The following CCDC9B variants were observed in gnomAD, a reference collection of about 807,000 sequenced individuals.
CCDC9B encodes coiled-coil domain containing 9B.
CCDC9B carries 40 observed loss-of-function variants against 47.2 expected under a neutral mutation model. The observed-to-expected ratio is 0.85, with a 90% CI of 0.66 to 1.10. The LOEUF is 1.10. Among genes scored for constraint, CCDC9B ranks in the 50% least tolerant of loss-of-function variants. The pLI is 0.00. For synonymous variants in CCDC9B, 238 were observed against 250.7 expected, an observed-to-expected ratio of 0.95 and a Z score of 0.48; for missense variants, 662 against 651.0, an observed-to-expected ratio of 1.02 and a Z score of -0.18.
rs780799483 is a variant in CCDC9B at position 40,336,628 on chromosome 15, G to A, written c.833C>T (p.Pro278Leu). ...GGQASRPSVA[P>L]ATGSKARGKE... ...GCCCCGGGCTTTGCTGCCTGTGGCT[G>A]GTGCCACCGAGGGTCTGCTGGCTTG... is the stretch of plus-strand genomic sequence containing the variant. The change falls in exon 9 of 11, where the codon CCA (proline) becomes CTA (leucine). Residue 278 changes from proline (P) to leucine (L), a missense_variant. Physicochemically the swap from Pro to Leu is moderately conservative, Grantham distance 98. Transcript: ENST00000397536. 9 of 1,613,038 alleles carry A rather than the reference G, an allele frequency of 5.6e-6. No individual in the cohort carries two copies. The highest frequency in any genetic ancestry group is 1.3e-5 in the African/African-American group (1 of 74,922).
Position 40,337,813 on chromosome 15 carries a change from C to T in CCDC9B, c.594G>A (p.Arg198=). ...CGAGGCGGGCTAGGTCGATCTGCTC[C>T]CGCTCCTGCTTCCACTGGGCATAGT... ...GWDYAQWKQE[R]EQIDLARLAR... The change falls in exon 6 of 11, where the codon CGG becomes CGA. Residue 198 remains arginine, a synonymous_variant. Transcript: ENST00000397536. 6.2e-7 allele frequency: 1 copy of T among 1,610,680 alleles called. No homozygotes were observed. Among genetic ancestry groups the T allele is most frequent in the Non-Finnish European group, 8.5e-7 (1 of 1,179,840 alleles).
At chr15:40,336,920 G>GGGTTTTGCCTCCC (rs1888973577) in intron 7 of CCDC9B, 107 bp from the exon 8 acceptor site, 1 of 1,201,554 alleles carries the variant, frequency 8.3e-7, no homozygotes, top group Non-Finnish European at 1.2e-6. Context: ...GGCCAGTCGT[G>GGGTTTTGCCTCCC]GGTTTTGCCT....
chr15:40,337,503 C>A, intron 6 of CCDC9B, 57 bp from the exon 7 acceptor site: 1 of 1,431,248 alleles, frequency 7.0e-7, no homozygotes. Flanking sequence ...CGGGCCCCAC[C>A]CTGACACCCC....
chr15:40,337,332 G>T lies in CCDC9B; in HGVS notation c.742+56C>A, dbSNP rs751770714. 3 of 1,446,724 alleles carry T rather than the reference G, an allele frequency of 2.1e-6. No homozygotes were observed. In the South Asian group the frequency reaches 3.4e-5, roughly 16 times the overall value. 89.6% of individuals were successfully genotyped at this position (1,446,724 alleles called of 1,614,324 possible). A position where few individuals can be genotyped will look rare whatever the true frequency, so the allele number is the denominator to read the frequency against. ...AGAGACAGAGAAAAGAGAGGACAAGGGGGTGAAAGATGAACAAAGCCAAGG... is the reference window on the plus strand; with the variant it reads ...AGAGACAGAGAAAAGAGAGGACAAGTGGGTGAAAGATGAACAAAGCCAAGG... On this transcript the variant is annotated intron_variant, in intron 7 of 10. Transcript: ENST00000397536.
rs1566908319 is a variant in CCDC9B, at chr15:40,338,887, C to A, written c.248G>T (p.Ser83Ile). 1.2e-6 allele frequency: 2 copies of A among 1,614,184 alleles called. No individual in the cohort carries two copies. Among genetic ancestry groups the A allele is most frequent in the Non-Finnish European group, 1.7e-6 (2 of 1,180,022 alleles). The change falls in exon 4 of 11, where the codon AGC becomes ATC. Residue 83 changes from serine (S) to isoleucine (I), a missense_variant. By Grantham distance (142) the Ser-to-Ile change is moderately radical (BLOSUM62 -2). Coordinates refer to ENST00000397536, the MANE Select transcript of CCDC9B (RefSeq NM_207380.3). ...SQVPGEKRVV[S>I]RNWARGTCGP... ...ACAGGTACCCCTTGCCCAGTTCCTGCTAACCACCCGCTTTTCCTGCAGAAC... is the reference window on the plus strand; with the variant it reads ...ACAGGTACCCCTTGCCCAGTTCCTGATAACCACCCGCTTTTCCTGCAGAAC...
At position 40,335,128 on chromosome 15, in the gene CCDC9B, C is replaced by G. The variant is rs762359041; in HGVS notation, c.*30G>C. ...CAGAGTGATTCCCTTTTCCTCTCCC[C>G]GGGGACTCCCCAGCTCCCAGGAGCT... On this transcript the variant is annotated 3_prime_UTR_variant, in exon 11 of 11. Transcript: ENST00000397536. 2.7e-6 allele frequency: 4 copies of G among 1,481,272 alleles called. No homozygotes were observed. The highest frequency in any genetic ancestry group is 3.6e-6 in the Non-Finnish European group (4 of 1,116,422). The allele number at this position is 1,481,272 out of a possible 1,614,324, so 91.8% of individuals were successfully genotyped here.
chr15:40,339,731 G>T, intron 2 of CCDC9B, 112 bp from the exon 3 acceptor site: 1 of 1,521,158 alleles, frequency 6.6e-7, no homozygotes, highest in Non-Finnish European at 8.8e-7. Context: ...GGGCAGAGGC[G>T]CCACATCACA....
At chr15:40,340,528 G>A in intron 1 of CCDC9B, 1 of 481,518 alleles carries the variant, frequency 2.1e-6, no homozygotes, top group South Asian at 3.2e-5. Context: ...CGCTCCCAGG[G>A]GCCCAGCCTC....
chr15:40,336,677 G>T lies in CCDC9B; in HGVS notation c.797-13C>A, dbSNP rs1409237226. 1 of 1,611,016 alleles carries T rather than the reference G, an allele frequency of 6.2e-7. No homozygotes were observed. The highest frequency in any genetic ancestry group is 8.5e-7 in the Non-Finnish European group (1 of 1,177,746). ...TGCCCGCCCCGACCTGCAAGAGATG[G>T]TCGGCCAAGGAGAGAAGAGGCCCAT... is the stretch of plus-strand genomic sequence containing the variant. On this transcript the variant is annotated splice_polypyrimidine_tract_variant and intron_variant, in intron 8 of 10. Transcript: ENST00000397536.
rs370442829 is a variant in CCDC9B, at chr15:40,336,773, G to A, written c.783C>T (p.Leu261=). Reference sequence around the variant, plus strand: ...TCCCCAACTCACCTTTTCCATCAGGGAGCAATGGTGGGGGCTGTAGTTTCT... The same window carrying A: ...TCCCCAACTCACCTTTTCCATCAGGAAGCAATGGTGGGGGCTGTAGTTTCT... ...SHQKLQPPPL[L]PDGKGRGGQA... Residue 261 remains leucine (L), a synonymous_variant, in exon 8 of 11, where the codon CTC becomes CTT. Coordinates refer to ENST00000397536, the MANE Select transcript of CCDC9B (RefSeq NM_207380.3). 4 of 1,601,914 alleles carry A rather than the reference G, an allele frequency of 2.5e-6. No individual in the cohort carries two copies. In the African/African-American group the frequency reaches 5.4e-5, roughly 22 times the overall value.
intron 9 of CCDC9B, 169 bp downstream of exon 9, chr15:40,336,405 C>T (rs1350808874): frequency 4.1e-6 from 4 of 985,310 alleles, no homozygotes; most frequent in Middle Eastern, 5.2e-4. Context: ...ACCAGGCTCT[C>T]GCTGCAGCCT....
chr15:40,335,567 T>A lies in CCDC9B; in HGVS notation c.1064A>T (p.Glu355Val), dbSNP rs1373632911. The change falls in exon 11 of 11, where the codon GAG (glutamate) becomes GTG (valine). Residue 355 changes from glutamate (E) to valine (V), a missense_variant. Transcript: ENST00000397536. ...TGAGCTGGCTGTGGAAGCCACTGAC[T>A]CCCCCTTCGGCCCCTCTGGGGATGC... is the stretch of plus-strand genomic sequence containing the variant. ...ALASPEGPKG[E>V]SVASTASSVP... 2 of 1,502,014 alleles carry A rather than the reference T, an allele frequency of 1.3e-6. No homozygotes were observed. Among genetic ancestry groups the A allele is most frequent in the Non-Finnish European group, 1.8e-6 (2 of 1,124,604 alleles). The allele number at this position is 1,502,014 out of a possible 1,614,324, so 93.0% of individuals were successfully genotyped here. A position where few individuals can be genotyped will look rare whatever the true frequency, so the allele number is the denominator to read the frequency against.
intron 9 of CCDC9B, chr15:40,336,279 A>G: frequency 1.0e-6 from 1 of 985,422 alleles, no homozygotes; most frequent in Non-Finnish European, 1.2e-6. Flanking sequence ...CCAAACTTGC[A>G]GCACCTTGAG....
chr15:40,340,775 G>A, intron 1 of CCDC9B, 33 bp downstream of exon 1: 1 of 1,589,884 alleles, frequency 6.3e-7, no homozygotes, highest in African/African-American at 1.4e-5. Flanking sequence ...CCAGTCCCAA[G>A]AAGCCCCCTG....
In CCDC9B at chr15:40,335,533, G is replaced by T; in HGVS notation, c.1098C>A (p.Cys366Ter). 6.5e-7 allele frequency: 1 copy of T among 1,531,734 alleles called. No individual in the cohort carries two copies. The highest frequency in any genetic ancestry group is 8.8e-7 in the Non-Finnish European group (1 of 1,138,536). 94.9% of individuals were successfully genotyped at this position (1,531,734 alleles called of 1,614,324 possible). A position where few individuals can be genotyped will look rare whatever the true frequency, so the allele number is the denominator to read the frequency against. The change falls in exon 11 of 11, where the codon TGC becomes TGA. Residue 366 changes from cysteine to a stop codon, truncating the protein, a stop_gained. Transcript: ENST00000397536. LOFTEE classifies it low-confidence loss of function (END_TRUNC). The part of the protein sequence containing the change: ...SVASTASSVP[C>*]SPQEPDLAPL... ...GAGCCAAGTCAGGCTCCTGTGGAGA[G>T]CAGGGGACTGAGCTGGCTGTGGAAG... is the stretch of plus-strand genomic sequence containing the variant.
intron 7 of CCDC9B, chr15:40,337,107 C>T: frequency 1.6e-6 from 1 of 614,722 alleles, no homozygotes; most frequent in Non-Finnish European, 2.9e-6. Context: ...ACCACCAGGA[C>T]TTTCACCCTT....
rs1051582016 is a variant in CCDC9B, at chr15:40,331,720, G to C, written c.*3438C>G. 1 of 152,608 alleles carries C rather than the reference G, an allele frequency of 6.6e-6. No homozygotes were observed. The highest frequency in any genetic ancestry group is 1.5e-5 in the Non-Finnish European group (1 of 68,034). The allele number at this position is 152,608 out of a possible 1,614,324, so 9.5% of individuals were successfully genotyped here. A position where few individuals can be genotyped will look rare whatever the true frequency, so the allele number is the denominator to read the frequency against. Reference sequence around the variant, plus strand: ...CAGGTATCACAAGCCTCATTTTGCAGATAAGGAGACTGAGGCTTTTAGAGG... The same window carrying C: ...CAGGTATCACAAGCCTCATTTTGCACATAAGGAGACTGAGGCTTTTAGAGG... On this transcript the variant is annotated 3_prime_UTR_variant, in exon 11 of 11. Coordinates refer to ENST00000397536, the MANE Select transcript of CCDC9B (RefSeq NM_207380.3).
At chr15:40,339,471 A>G (rs1195549888) in intron 3 of CCDC9B, 41 bp downstream of exon 3, 2 of 1,603,686 alleles carry the variant, frequency 1.2e-6, no homozygotes, top group African/African-American at 2.7e-5. Flanking sequence ...CTGGGCCTCC[A>G]CCTCCTTGCT....
chr15:40,337,605 G>T, intron 6 of CCDC9B, 119 bp downstream of exon 6: 3 of 1,271,002 alleles, frequency 2.4e-6, no homozygotes, highest in South Asian at 1.5e-5. Context: ...CCCTGGGCTC[G>T]ACCAGAATGC....
Sources: gnomAD v4.1 joint callset for allele counts on GRCh38, gnomAD v4.1.1 for gene constraint, MANE v1.5 for transcripts, NCBI Gene and HGNC (gene_info 2026-07-23, HGNC 2026-07-21) for gene names.